LIPI: variants seen among roughly 807,000 people sequenced by gnomAD.
The protein encoded by LIPI is lipase I.
In LIPI, 59 loss-of-function variants were observed where a neutral mutation model predicts 50.6. The observed-to-expected ratio is 1.16, with a 90% CI of 0.94 to 1.45. LIPI has a LOEUF of 1.45. Ranked by LOEUF, LIPI falls within the 40% of genes most tolerant of loss-of-function variation. The pLI is 0.00. For synonymous variants in LIPI, 203 were observed against 178.2 expected, an observed-to-expected ratio of 1.14 and a Z score of -1.11; for missense variants, 586 against 536.3, an observed-to-expected ratio of 1.09 and a Z score of -0.92.
chr21:14,152,354 A>C (rs2018124512), intron 8 of LIPI, among the ~76,000 whole-genome samples: 1 of 152,116 alleles, frequency 6.6e-6, no homozygotes, highest in South Asian at 2.1e-4. Flanking sequence ...TTTTAAAGTC[A>C]CTAGTTGTTT....
At chr21:14,176,276 T>C (rs2019094446) in intron 4 of LIPI, among the ~76,000 whole-genome samples, 3 of 151,966 alleles carry the variant, frequency 2.0e-5, no homozygotes, top group South Asian at 4.1e-4. Context: ...TTTTAAATCA[T>C]CTGCAATTCA....
At chr21:14,199,413 A>T (rs962931506) in intron 1 of LIPI, among the ~76,000 whole-genome samples, 2 of 152,000 alleles carry the variant, frequency 1.3e-5, no homozygotes, top group Non-Finnish European at 2.9e-5. Flanking sequence ...GGGTTATATT[A>T]CTACTTAACC....
intron 9 of LIPI, among the ~76,000 whole-genome samples, chr21:14,139,655 G>A (rs1318171000): frequency 2.6e-5 from 4 of 152,082 alleles, no homozygotes; most frequent in African/African-American, 7.2e-5. Flanking sequence ...TAACTCCTAC[G>A]AGAACAACAA....
At chr21:14,126,115 C>T (rs568771326) in intron 9 of LIPI, among the ~76,000 whole-genome samples, 3 of 152,096 alleles carry the variant, frequency 2.0e-5, no homozygotes, top group Non-Finnish European at 4.4e-5. Context: ...GCAAACTGTA[C>T]AGTCACTTTG....
chr21:14,185,895 A>AT lies in LIPI; in HGVS notation c.541+65dup, dbSNP rs925686005. The AT allele has an allele frequency of 1.6e-5, 16 of 990,720 alleles. No homozygotes were observed. In the African/African-American group the frequency reaches 2.6e-4, roughly 16 times the overall value. 61.4% of individuals were successfully genotyped at this position (990,720 alleles called of 1,614,324 possible). A position where few individuals can be genotyped will look rare whatever the true frequency, so the allele number is the denominator to read the frequency against. The stretch of plus-strand genomic sequence containing the variant: ...GAGACTCTGTCTCAAAAAAAAAAAA[A>AT]TTAGCAAAGTAACTTCTGATACTTA... On this transcript the variant is annotated intron_variant, in intron 3 of 9. Coordinates refer to ENST00000681601, the MANE Select transcript of LIPI (RefSeq NM_001302998.2).
At chr21:14,117,151 A>G (rs1374542531) in intron 9 of LIPI, among the ~76,000 whole-genome samples, 1 of 152,228 alleles carries the variant, frequency 6.6e-6, no homozygotes, top group Non-Finnish European at 1.5e-5. Flanking sequence ...ACTAGAGGAC[A>G]GATCTATTTA....
In LIPI at chr21:14,109,040, CT is replaced by C. The variant is rs752276664; in HGVS notation, c.1335del (p.Glu446ArgfsTer27). Reference sequence around the variant, plus strand: ...GTGTTTGGATTAAGAAACACTTCCTCTCTGTCTTTAAGTACAATATTATACC... The same window carrying C: ...GTGTTTGGATTAAGAAACACTTCCTCCTGTCTTTAAGTACAATATTATACC... The part of the protein sequence containing the change: ...LCRYNIVLKD[R>X]EEVFLNPNTC... On this transcript the variant is annotated frameshift_variant, in exon 10 of 10. Coordinates refer to ENST00000681601, the MANE Select transcript of LIPI (RefSeq NM_001302998.2). LOFTEE classifies it high-confidence loss of function. The C allele has an allele frequency of 5.6e-6, 9 of 1,600,256 alleles. No homozygotes were observed. The highest frequency in any genetic ancestry group is 7.7e-6 in the Non-Finnish European group (9 of 1,167,770).
At chr21:14,206,655 C>T (rs143594894) in intron 1 of LIPI, among the ~76,000 whole-genome samples, 35 of 152,068 alleles carry the variant, frequency 2.3e-4, no homozygotes, top group African/African-American at 8.4e-4. Context: ...TCTCTTTCCT[C>T]ATTTCTGGAA....
At chr21:14,181,552 C>T (rs1206665843) in intron 4 of LIPI, among the ~76,000 whole-genome samples, 1 of 152,068 alleles carries the variant, frequency 6.6e-6, no homozygotes, top group East Asian at 1.9e-4. Context: ...CCGAAGGAGG[C>T]AAACTGAAGT....
At chr21:14,161,520 G>C (rs1167027141) in intron 7 of LIPI, among the ~76,000 whole-genome samples, 1 of 125,474 alleles carries the variant, frequency 8.0e-6, no homozygotes, top group African/African-American at 3.0e-5. Context: ...TAGATATATA[G>C]ATATAGATAT....
chr21:14,109,122 A>T (rs770935626), intron 9 of LIPI, 42 bp from the exon 10 acceptor site: 11 of 1,491,896 alleles, frequency 7.4e-6, no homozygotes, highest in Non-Finnish European at 1.0e-5. Context: ...AATAACTATT[A>T]GTAAAACAAC....
chr21:14,188,567 CAA>C (rs577516831), intron 2 of LIPI, among the ~76,000 whole-genome samples: 3,169 of 65,732 alleles, frequency 0.048, 45 homozygotes, highest in East Asian at 0.28. Flanking sequence ...GAACCTGTCT[CAA>C]AAAAAAAAAA....
intron 1 of LIPI, among the ~76,000 whole-genome samples, chr21:14,200,083 T>C (rs1201289021): frequency 6.6e-6 from 1 of 151,842 alleles, no homozygotes; most frequent in Admixed American, 6.6e-5. Flanking sequence ...CAATAAACTA[T>C]GTATTGAAGG....
chr21:14,123,840 T>C (rs924353734), intron 9 of LIPI, among the ~76,000 whole-genome samples: 1 of 152,134 alleles, frequency 6.6e-6, no homozygotes, highest in African/African-American at 2.4e-5. Flanking sequence ...AGAGACACTA[T>C]ATACCAAAAT....
rs901401006 is a variant in LIPI at position 14,161,272 on chromosome 21, T to C, written c.1006+2147A>G. On this transcript the variant is annotated intron_variant, in intron 7 of 9. Transcript: ENST00000681601. ...AATGGTGGCACATCCTGTATCTATGTAAATGTATACGTATATTCCATAAAT... is the reference window on the plus strand; with the variant it reads ...AATGGTGGCACATCCTGTATCTATGCAAATGTATACGTATATTCCATAAAT... Among the ~76,000 whole-genome samples the C allele has an allele frequency of 3.4e-5, 5 of 148,970 alleles. No homozygotes were observed. The Admixed American group carries it at 3.4e-4, about 10-fold the overall frequency.
intron 3 of LIPI, among the ~76,000 whole-genome samples, chr21:14,183,128 A>T (rs370775688): frequency 6.6e-6 from 1 of 152,018 alleles, no homozygotes; most frequent in African/African-American, 2.4e-5. Context: ...AAAACAGAGA[A>T]ATAGACCAAT....
At chr21:14,134,655 A>T (rs2017423309) in intron 9 of LIPI, among the ~76,000 whole-genome samples, 1 of 152,190 alleles carries the variant, frequency 6.6e-6, no homozygotes, top group Non-Finnish European at 1.5e-5. Context: ...CAACCAACTG[A>T]TCTCCAACAA....
At chr21:14,139,644 A>C (rs535433516) in intron 9 of LIPI, among the ~76,000 whole-genome samples, 14 of 152,308 alleles carry the variant, frequency 9.2e-5, no homozygotes, top group South Asian at 2.1e-4. Flanking sequence ...AGTATAGATA[A>C]TAACTCCTAC....
intron 8 of LIPI, among the ~76,000 whole-genome samples, chr21:14,149,181 A>G (rs2018003254): frequency 6.6e-6 from 1 of 152,218 alleles, no homozygotes; most frequent in South Asian, 2.1e-4. Context: ...ACTTACAAAC[A>G]TGGCAGAAGG....
Sources: allele counts gnomAD v4.1 joint callset (sites outside exome capture counted in the v4.1 genomes callset), GRCh38; gene constraint gnomAD v4.1.1; transcripts MANE v1.5; gene names NCBI Gene and HGNC (gene_info 2026-07-23, HGNC 2026-07-21).